The following CACNA1D variants were observed in gnomAD, a reference collection of about 807,000 sequenced individuals.
CACNA1D encodes voltage-dependent L-type calcium channel subunit alpha-1D.
In CACNA1D, 55 loss-of-function variants were observed where a neutral mutation model predicts 257.1. That is an observed-to-expected ratio of 0.21 (90% CI 0.17 to 0.27). The LOEUF (loss-of-function observed/expected upper bound fraction) is 0.27. Ranked by LOEUF, CACNA1D falls within the 10% of genes least tolerant of loss-of-function variation. The pLI is 1.00. For missense variants in CACNA1D, 1,876 were observed against 2,784.0 expected (o/e 0.67, Z 7.34); for synonymous variants, 980 against 1,014.9 (o/e 0.97, Z 0.65).
At chr3:53,578,048 A>G (rs1022995761) in intron 3 of CACNA1D, among the ~76,000 whole-genome samples, 4 of 152,154 alleles carry the variant, frequency 2.6e-5, no homozygotes, top group African/African-American at 9.7e-5. Context: ...TCTGCTGCAT[A>G]CAGAACACCC....
At chr3:53,554,064 T>C (rs866758207) in intron 3 of CACNA1D, among the ~76,000 whole-genome samples, 12 of 151,790 alleles carry the variant, frequency 7.9e-5, no homozygotes, top group Middle Eastern at 3.4e-3. Flanking sequence ...GGCGTGGTGG[T>C]GGGTGCCTAT....
At chr3:53,804,809 T>A (rs879493646) in intron 44 of CACNA1D, among the ~76,000 whole-genome samples, 174 bp from the exon 45 acceptor site, 2 of 152,218 alleles carry the variant, frequency 1.3e-5, no homozygotes, top group Admixed American at 1.3e-4. Flanking sequence ...AGTCCTGTAA[T>A]GGCCCTTGGT....
chr3:53,655,170 A>C (rs997916227), intron 4 of CACNA1D, among the ~76,000 whole-genome samples: 7 of 152,196 alleles, frequency 4.6e-5, no homozygotes, highest in Non-Finnish European at 1.0e-4. Context: ...ATGACTGCAT[A>C]GTATTCCTTG....
In CACNA1D at chr3:53,800,327, G is replaced by A; in HGVS notation, c.5002G>A (p.Glu1668Lys). The A allele has an allele frequency of 6.2e-7, 1 of 1,613,850 alleles. No homozygotes were observed. The highest frequency in any genetic ancestry group is 8.5e-7 in the Non-Finnish European group (1 of 1,179,688). The change falls in exon 41 of 48, where the codon GAG (glutamate) becomes AAG (lysine). Residue 1668 changes from glutamate to lysine, a missense_variant. Physicochemically the swap from Glu to Lys is moderately conservative, Grantham distance 56. Coordinates refer to ENST00000350061, the MANE Select transcript of CACNA1D (RefSeq NM_001128840.3). This position sits in a 1 kb window ranked among gnomAD's most constrained non-coding sequence, Gnocchi z 4.3. ...ISCDLQDDEP[E>K]ETKREEEDDV... ...GTGTGATTTGCAAGATGACGAGCCT[G>A]AGGAAACAAAACGAGAAGAAGAAGA...
chr3:53,791,809 C>T (rs1261346963), intron 40 of CACNA1D: 1 of 152,262 alleles, frequency 6.6e-6, no homozygotes, highest in Admixed American at 6.5e-5. Context: ...CTGGGGATGC[C>T]TCTTTGGAAG....
chr3:53,665,908 G>GA lies in CACNA1D; in HGVS notation c.919+104dup, dbSNP rs200651634. 3,680 of 955,348 alleles carry GA rather than the reference G, an allele frequency of 3.9e-3. 9 individuals carry two copies. The highest frequency in any genetic ancestry group is 5.1e-3 in the Non-Finnish European group (3,076 of 608,722). The allele number at this position is 955,348 out of a possible 1,614,324, so 59.2% of individuals were successfully genotyped here. A position where few individuals can be genotyped will look rare whatever the true frequency, so the allele number is the denominator to read the frequency against. On this transcript the variant is annotated intron_variant, in intron 6 of 47. Coordinates refer to ENST00000350061, the MANE Select transcript of CACNA1D (RefSeq NM_001128840.3). ...TTGGGGAAAATCTAAAACAAAATAGGAAAAAAAATGCCCAATATACCAGCA... is the reference window on the plus strand; with the variant it reads ...TTGGGGAAAATCTAAAACAAAATAGGAAAAAAAAATGCCCAATATACCAGCA...
chr3:53,650,377 A>AGGACTTTGAAT (rs2094077023), intron 3 of CACNA1D, among the ~76,000 whole-genome samples: 1 of 152,232 alleles, frequency 6.6e-6, no homozygotes. Flanking sequence ...GTTCAAAGAC[A>AGGACTTTGAAT]CCATTGGAAT....
intron 4 of CACNA1D, among the ~76,000 whole-genome samples, chr3:53,657,734 A>C (rs1001429008): frequency 6.6e-6 from 1 of 152,192 alleles, no homozygotes; most frequent in Non-Finnish European, 1.5e-5. Flanking sequence ...TCAAATTCCT[A>C]CTCACTACAG....
At chr3:53,620,278 C>T (rs907255599) in intron 3 of CACNA1D, among the ~76,000 whole-genome samples, 1 of 152,004 alleles carries the variant, frequency 6.6e-6, no homozygotes, top group Non-Finnish European at 1.5e-5. Flanking sequence ...GAACCCAGTT[C>T]TCGTCCATCT....
chr3:53,576,262 G>C (rs2093036456), intron 3 of CACNA1D, among the ~76,000 whole-genome samples: 1 of 152,164 alleles, frequency 6.6e-6, no homozygotes, highest in Non-Finnish European at 1.5e-5. Context: ...AAAATGCCAA[G>C]AATCTCCTAA....
chr3:53,709,758 G>A (rs1362840678), intron 9 of CACNA1D, among the ~76,000 whole-genome samples: 3 of 152,214 alleles, frequency 2.0e-5, no homozygotes, highest in Non-Finnish European at 1.5e-5. Flanking sequence ...GAGTCGTAGT[G>A]ATGACAGTAG....
intron 3 of CACNA1D, among the ~76,000 whole-genome samples, chr3:53,638,042 A>G (rs922174937): frequency 2.0e-5 from 3 of 152,216 alleles, no homozygotes; most frequent in Non-Finnish European, 2.9e-5. Flanking sequence ...GTGTCGGCAC[A>G]CTCAGTGGGA....
chr3:53,596,862 G>A (rs79226882), intron 3 of CACNA1D, among the ~76,000 whole-genome samples: 3,490 of 152,292 alleles, frequency 0.023, 114 homozygotes, highest in East Asian at 0.094. Flanking sequence ...TAGAAGCAAT[G>A]GGAAACATAC....
intron 4 of CACNA1D, among the ~76,000 whole-genome samples, chr3:53,651,366 C>CTTTTATTTTTTTTTTTTTTTTT (rs2094091685): frequency 1.2e-5 from 1 of 81,836 alleles, no homozygotes; most frequent in African/African-American, 4.4e-5. Flanking sequence ...TATTAATTTT[C>CTTTTATTTTTTTTTTTTTTTTT]TTTTTTTTTT....
intron 3 of CACNA1D, among the ~76,000 whole-genome samples, chr3:53,551,746 G>T (rs1465689358): frequency 1.3e-5 from 2 of 152,206 alleles, no homozygotes; most frequent in African/African-American, 4.8e-5. Context: ...GAAACACAGG[G>T]TGTGAAGGCT....
At position 53,572,370 on chromosome 3, in the gene CACNA1D, G is replaced by GTTTA. The variant is rs1336127998; in HGVS notation, c.483+70653_483+70654insATTT. Among the ~76,000 whole-genome samples, 1,088 of 133,814 alleles carry GTTTA rather than the reference G, an allele frequency of 8.1e-3. 16 individuals carry two copies. Among genetic ancestry groups the GTTTA allele is most frequent in the African/African-American group, 0.032 (1,008 of 31,990 alleles). 87.8% of individuals were successfully genotyped at this position (133,814 alleles called of 152,430 possible). A position where few individuals can be genotyped will look rare whatever the true frequency, so the allele number is the denominator to read the frequency against. On this transcript the variant is annotated intron_variant, in intron 3 of 47. Coordinates refer to ENST00000350061, the MANE Select transcript of CACNA1D (RefSeq NM_001128840.3). ...CTCTCTGCCTCTGGTTTGTTTGTTT[G>GTTTA]TTTGTTTATTTATTTATTTATTTAT...
At chr3:53,721,003 C>T (rs1203274237) in intron 11 of CACNA1D, among the ~76,000 whole-genome samples, 3 of 152,190 alleles carry the variant, frequency 2.0e-5, no homozygotes, top group Non-Finnish European at 4.4e-5. Flanking sequence ...CTGGAAGTAA[C>T]CCAAAGGTCC....
At chr3:53,526,362 G>A (rs1029506152) in intron 3 of CACNA1D, among the ~76,000 whole-genome samples, 2 of 152,194 alleles carry the variant, frequency 1.3e-5, no homozygotes, top group Non-Finnish European at 2.9e-5. Context: ...TGAACTTGGG[G>A]CTGTATTCCC....
chr3:53,769,008 G>A (rs2095351004), intron 30 of CACNA1D, among the ~76,000 whole-genome samples: 1 of 152,230 alleles, frequency 6.6e-6, no homozygotes, highest in South Asian at 2.1e-4. Flanking sequence ...GGCACATGCT[G>A]GCTCTGGTTC....
Sources: gnomAD v4.1 joint callset for allele counts (sites outside exome capture counted in the v4.1 genomes callset) on GRCh38, gnomAD v4.1.1 for gene constraint, Gnocchi (gnomAD v3.1) non-coding constraint, MANE v1.5 for transcripts, NCBI Gene and HGNC (gene_info 2026-07-23, HGNC 2026-07-21) for gene names.